PON2: variants seen among roughly 807,000 people sequenced by gnomAD.
PON2 encodes paraoxonase 2.
PON2 carries 27 observed loss-of-function variants against 36.6 expected under a neutral mutation model. The ratio of observed to expected loss-of-function variants is 0.74; its 90% confidence interval spans 0.54 to 1.02. The LOEUF is 1.02. Among genes scored for constraint, PON2 ranks in the 50% least tolerant of loss-of-function variants. The pLI, the probability that PON2 is intolerant of heterozygous loss-of-function variation, is 0.00. For missense variants in PON2, 363 were observed against 421.1 expected (o/e 0.86, Z 1.21); for synonymous variants, 149 against 156.3 (o/e 0.95, Z 0.35).
intron 1 of PON2, among the ~76,000 whole-genome samples, chr7:95,433,113 T>G (rs1318937402): frequency 1.3e-5 from 2 of 152,226 alleles, no homozygotes; most frequent in Non-Finnish European, 2.9e-5. Flanking sequence ...TGCACTTCCT[T>G]ATTTATCTAT....
chr7:95,423,321 C>CA (rs35269697), intron 2 of PON2, among the ~76,000 whole-genome samples: 17,618 of 70,686 alleles, frequency 0.25, 1,790 homozygotes, highest in South Asian at 0.33. Context: ...GGCCACCTCT[C>CA]AAAAAAAAAA....
intron 1 of PON2, among the ~76,000 whole-genome samples, chr7:95,433,583 C>A (rs1789492577): frequency 6.7e-6 from 1 of 149,642 alleles, no homozygotes; most frequent in African/African-American, 2.5e-5. Context: ...CCTTTTGAAG[C>A]ACTATTGGGC....
At chr7:95,425,517 T>C (rs17876083) in intron 1 of PON2, among the ~76,000 whole-genome samples, 2,734 of 152,274 alleles carry the variant, frequency 0.018, 64 homozygotes, top group African/African-American at 0.044. Flanking sequence ...CCATAAATAA[T>C]AAAAATAGCA....
At chr7:95,415,571 G>A (rs1477737637) in intron 3 of PON2, among the ~76,000 whole-genome samples, 1 of 152,174 alleles carries the variant, frequency 6.6e-6, no homozygotes, top group African/African-American at 2.4e-5. Context: ...ATAGAAAGAT[G>A]AGTAGATGCT....
chr7:95,423,784 T>A (rs1285919619), intron 2 of PON2, among the ~76,000 whole-genome samples: 1 of 152,154 alleles, frequency 6.6e-6, no homozygotes, highest in African/African-American at 2.4e-5. Context: ...GAGGTTTAAT[T>A]GACTCACTGT....
rs1789060906 is a variant in PON2, at chr7:95,416,301, T to G, written c.146-4A>C. On this transcript the variant is annotated splice_region_variant and splice_polypyrimidine_tract_variant and intron_variant, in intron 2 of 8. Coordinates refer to ENST00000222572, the MANE Select transcript of PON2 (RefSeq NM_000305.3). ...TCAATATCTTCAGAGCCAGCTTCTG[T>G]AAGTTTAAGGAACAGATAAATGTCA... 3.7e-6 allele frequency: 6 copies of G among 1,613,584 alleles called. No individual in the cohort carries two copies. The East Asian group carries it at 1.3e-4, about 36-fold the overall frequency.
chr7:95,426,718 A>G (rs181053702), intron 1 of PON2, among the ~76,000 whole-genome samples: 2 of 152,344 alleles, frequency 1.3e-5, no homozygotes, highest in Non-Finnish European at 2.9e-5. Context: ...GATTCTACAA[A>G]TGTTATATGA....
intron 2 of PON2, among the ~76,000 whole-genome samples, chr7:95,419,316 G>A (rs1272299250): frequency 1.3e-5 from 2 of 152,106 alleles, no homozygotes; most frequent in South Asian, 4.2e-4. Flanking sequence ...AGGGAAGTTG[G>A]GGGGGATCTG....
chr7:95,429,966 C>G (rs906215155), intron 1 of PON2, among the ~76,000 whole-genome samples: 2 of 152,092 alleles, frequency 1.3e-5, no homozygotes, highest in African/African-American at 4.8e-5. Context: ...GGAGACCTGG[C>G]TGAGGCGACA....
chr7:95,434,768 C>T, intron 1 of PON2, 110 bp downstream of exon 1: 1 of 1,254,652 alleles, frequency 8.0e-7, no homozygotes, highest in Admixed American at 2.5e-5. Flanking sequence ...CCCCCGGCCG[C>T]AGGGCCAGGT....
chr7:95,417,601 C>T (rs536534686), intron 2 of PON2, among the ~76,000 whole-genome samples: 4 of 149,518 alleles, frequency 2.7e-5, no homozygotes, highest in East Asian at 4.4e-4. Flanking sequence ...TCTAGTTCCA[C>T]GGTGGTTGTC....
chr7:95,419,391 C>G (rs751244241), intron 2 of PON2, among the ~76,000 whole-genome samples: 1 of 152,138 alleles, frequency 6.6e-6, no homozygotes, highest in South Asian at 2.1e-4. Flanking sequence ...GCACAAGGAA[C>G]AGCATGAGCA....
rs1194209761 is a variant in PON2 at position 95,434,972 on chromosome 7, T to TGCCTCGCTCCGGCCTGGCCAGCA, written c.-44_-22dup. The TGCCTCGCTCCGGCCTGGCCAGCA allele has an allele frequency of 2.0e-6, 3 of 1,519,338 alleles. No homozygotes were observed. The highest frequency in any genetic ancestry group is 2.6e-6 in the Non-Finnish European group (3 of 1,139,352). 94.1% of individuals were successfully genotyped at this position (1,519,338 alleles called of 1,614,324 possible). On this transcript the variant is annotated 5_prime_UTR_variant, in exon 1 of 9. Coordinates refer to ENST00000222572, the MANE Select transcript of PON2 (RefSeq NM_000305.3). ...CCCATGGCGCGGGAGCCGGGCGCGC[T>TGCCTCGCTCCGGCCTGGCCAGCA]GCCTCGCTCCGGCCTGGCCAGCAGC...
Position 95,405,240 on chromosome 7 carries a change from G to C in PON2, c.*90C>G. On this transcript the variant is annotated 3_prime_UTR_variant, in exon 9 of 9. Transcript: ENST00000222572. ...TAACTACACATGCCATACATTTCTG[G>C]GTCAATGTTGCTGGTTAAATTCCCT... 7.3e-7 allele frequency: 1 copy of C among 1,365,094 alleles called. No individual in the cohort carries two copies. Among genetic ancestry groups the C allele is most frequent in the Non-Finnish European group, 1.0e-6 (1 of 969,130 alleles). The allele number at this position is 1,365,094 out of a possible 1,614,324, so 84.6% of individuals were successfully genotyped here.
At position 95,430,872 on chromosome 7, in the gene PON2, T is replaced by C. The variant is rs1789423996; in HGVS notation, c.74+4006A>G. ...GACTGACCAGCACACAAGAGTTACA[T>C]AATAAATGATTTAAAGGATGGTGGT... On this transcript the variant is annotated intron_variant, in intron 1 of 8. Coordinates refer to ENST00000222572, the MANE Select transcript of PON2 (RefSeq NM_000305.3). Among the ~76,000 whole-genome samples the C allele has an allele frequency of 4.1e-5, 6 of 144,938 alleles. No homozygotes were observed. The Admixed American group carries it at 4.2e-4, about 10-fold the overall frequency.
At chr7:95,416,430 AC>A (rs889128465) in intron 2 of PON2, 133 bp from the exon 3 acceptor site, 132 of 1,030,186 alleles carry the variant, frequency 1.3e-4, no homozygotes, top group Non-Finnish European at 1.8e-4. Context: ...TTTCCAAGGA[AC>A]CATTCTTTTT....
At position 95,434,893 on chromosome 7, in the gene PON2, C is replaced by T; in HGVS notation, c.59G>A (p.Arg20Lys). The T allele has an allele frequency of 6.5e-7, 1 of 1,540,550 alleles. No individual in the cohort carries two copies. Among genetic ancestry groups the T allele is most frequent in the Non-Finnish European group, 8.7e-7 (1 of 1,145,270 alleles). Residue 20 changes from arginine (R) to lysine (K), a missense_variant, in exon 1 of 9, where the codon AGG becomes AAG. Physicochemically the swap from Arg to Lys is conservative, Grantham distance 26. Transcript: ENST00000222572. ...LGIALALLGE[R>K]LLALRNRLKA... ...TCCCACCTACCTGAGTGCCAGAAGC[C>T]TCTCGCCCAGGAGCGCCAGCGCGAT...
intron 2 of PON2, 26 bp downstream of exon 2, chr7:95,424,489 C>G (rs1187043243): frequency 3.1e-6 from 5 of 1,587,982 alleles, no homozygotes; most frequent in Non-Finnish European, 4.3e-6. Flanking sequence ...ATGCAATGTG[C>G]CCAACAAGCA....
At position 95,424,386 on chromosome 7, in the gene PON2, G is replaced by T. The variant is rs565445154; in HGVS notation, c.145+129C>A. On this transcript the variant is annotated intron_variant, in intron 2 of 8. Coordinates refer to ENST00000222572, the MANE Select transcript of PON2 (RefSeq NM_000305.3). The stretch of plus-strand genomic sequence containing the variant: ...TCAGATCAAGAGGTTGACCAAAGAG[G>T]TTTTTGTTGATCTAATGTGATTTAT... The T allele has an allele frequency of 1.7e-5, 13 of 756,788 alleles. No homozygotes were observed. The East Asian group carries it at 3.4e-4, about 20-fold the overall frequency. The allele number at this position is 756,788 out of a possible 1,614,324, so 46.9% of individuals were successfully genotyped here. A position where few individuals can be genotyped will look rare whatever the true frequency, so the allele number is the denominator to read the frequency against.
Sources: gnomAD v4.1 joint callset for allele counts (sites outside exome capture counted in the v4.1 genomes callset) on GRCh38, gnomAD v4.1.1 for gene constraint, MANE v1.5 for transcripts, NCBI Gene and HGNC (gene_info 2026-07-23, HGNC 2026-07-21) for gene names.